Variants in THSD7A observed in about 807,000 individuals in gnomAD.
THSD7A encodes thrombospondin type 1 domain containing 7A, also known as thrombospondin type-1 domain-containing protein 7A.
In THSD7A, 96 loss-of-function variants were observed where a neutral mutation model predicts 231.3. The observed-to-expected ratio is 0.41, with a 90% CI of 0.35 to 0.49. THSD7A has a LOEUF of 0.49. THSD7A is among the 20% of genes least tolerant of loss of function. The pLI is 0.05. For missense variants in THSD7A, 2,290 were observed against 2,070.2 expected (o/e 1.11, Z -2.06); for synonymous variants, 940 against 743.3 (o/e 1.26, Z -4.30).
At chr7:11,473,246 T>C (rs562464598) in intron 8 of THSD7A, among the ~76,000 whole-genome samples, 7 of 151,592 alleles carry the variant, frequency 4.6e-5, no homozygotes, top group Non-Finnish European at 1.0e-4. Context: ...GAGTTTTTCA[T>C]GCATCAGAGA....
chr7:11,609,342 A>T (rs1780842974), intron 2 of THSD7A, among the ~76,000 whole-genome samples: 1 of 152,094 alleles, frequency 6.6e-6, no homozygotes, highest in African/African-American at 2.4e-5. Context: ...CGGCCCATGA[A>T]ACCTTCATGG....
intron 1 of THSD7A, among the ~76,000 whole-genome samples, chr7:11,761,198 T>C (rs920906077): frequency 1.3e-5 from 2 of 151,900 alleles, no homozygotes; most frequent in African/African-American, 4.8e-5. Context: ...GCAAATTCAT[T>C]TTGAAATACA....
At chr7:11,815,275 T>C (rs550668796) in intron 1 of THSD7A, among the ~76,000 whole-genome samples, 2 of 151,888 alleles carry the variant, frequency 1.3e-5, no homozygotes, top group South Asian at 2.1e-4. Context: ...TAGTTGAACC[T>C]TGTCTCTGAT....
chr7:11,508,363 A>G (rs975663705), intron 6 of THSD7A, among the ~76,000 whole-genome samples: 2 of 152,220 alleles, frequency 1.3e-5, no homozygotes, highest in African/African-American at 4.8e-5. Flanking sequence ...ATAAAACCAC[A>G]ATGAGATACC....
chr7:11,513,114 T>C (rs924688799), intron 6 of THSD7A, among the ~76,000 whole-genome samples: 9 of 151,222 alleles, frequency 6.0e-5, no homozygotes, highest in Non-Finnish European at 1.3e-4. Flanking sequence ...GCTATGAGGA[T>C]GCAAAGCCAT....
At chr7:11,716,784 T>A (rs1378677546) in intron 1 of THSD7A, among the ~76,000 whole-genome samples, 3 of 151,582 alleles carry the variant, frequency 2.0e-5, no homozygotes, top group Non-Finnish European at 4.4e-5. Context: ...GCTGTCCTAT[T>A]TGTCTTTCTG....
chr7:11,575,977 C>T (rs1055041332), intron 4 of THSD7A, among the ~76,000 whole-genome samples: 1 of 152,114 alleles, frequency 6.6e-6, no homozygotes, highest in Non-Finnish European at 1.5e-5. Flanking sequence ...AATCATGGTG[C>T]TTCTCATTTA....
intron 1 of THSD7A, among the ~76,000 whole-genome samples, chr7:11,748,331 A>T (rs1782379973): frequency 6.6e-6 from 1 of 151,980 alleles, no homozygotes; most frequent in Admixed American, 6.6e-5. Flanking sequence ...TGTTGTAAAT[A>T]AAGAAGGTGA....
At chr7:11,675,176 C>T (rs545643339) in intron 1 of THSD7A, among the ~76,000 whole-genome samples, 2 of 152,150 alleles carry the variant, frequency 1.3e-5, no homozygotes, top group Admixed American at 6.5e-5. Context: ...CAGGGAACTC[C>T]CTCCCCTAGC....
intron 13 of THSD7A, among the ~76,000 whole-genome samples, chr7:11,440,386 C>A (rs897986076): frequency 6.6e-6 from 1 of 151,992 alleles, no homozygotes; most frequent in Non-Finnish European, 1.5e-5. Flanking sequence ...TTCTGACTTA[C>A]AAGTCTTATT....
chr7:11,384,038 C>A (rs559615440), intron 23 of THSD7A: 47 of 152,000 alleles, frequency 3.1e-4, no homozygotes, highest in African/African-American at 9.4e-4. Context: ...CAAACAAGAC[C>A]ACTCTCGTCA....
At chr7:11,524,927 A>G (rs927671837) in intron 6 of THSD7A, among the ~76,000 whole-genome samples, 1 of 152,234 alleles carries the variant, frequency 6.6e-6, no homozygotes, top group Non-Finnish European at 1.5e-5. Context: ...TAATTATGGG[A>G]TCATTTTCAA....
chr7:11,539,790 A>G (rs188070095), intron 6 of THSD7A, among the ~76,000 whole-genome samples: 1 of 152,320 alleles, frequency 6.6e-6, no homozygotes, highest in Non-Finnish European at 1.5e-5. Context: ...ATTGCATAAC[A>G]CTGAGGCAGA....
At chr7:11,734,024 T>G (rs958022221) in intron 1 of THSD7A, among the ~76,000 whole-genome samples, 1 of 151,864 alleles carries the variant, frequency 6.6e-6, no homozygotes, top group Admixed American at 6.6e-5. Flanking sequence ...TGTCTTCCCT[T>G]CTAACCTCTT....
chr7:11,474,674 C>A lies in THSD7A; in HGVS notation c.2018-106G>T. ...GGCTTAGAAATAAAAAGTGACTTTT[C>A]TTCCCCACATCAAGTTCATAAATAC... On this transcript the variant is annotated intron_variant, in intron 7 of 27. Transcript: ENST00000423059. The surrounding 1 kb of genome is among the most constrained non-coding windows in gnomAD (Gnocchi z 4.1). 1.2e-6 allele frequency: 1 copy of A among 867,316 alleles called. No homozygotes were observed. The highest frequency in any genetic ancestry group is 1.9e-5 in the South Asian group (1 of 52,586). 53.7% of individuals were successfully genotyped at this position (867,316 alleles called of 1,614,324 possible). A position where few individuals can be genotyped will look rare whatever the true frequency, so the allele number is the denominator to read the frequency against.
intron 6 of THSD7A, among the ~76,000 whole-genome samples, chr7:11,517,896 A>G (rs2128315176): frequency 6.6e-6 from 1 of 152,298 alleles, no homozygotes; most frequent in Non-Finnish European, 1.5e-5. Flanking sequence ...ATCTTTCCGG[A>G]CCACCCATGT....
intron 1 of THSD7A, among the ~76,000 whole-genome samples, chr7:11,781,312 A>G (rs893584356): frequency 2.0e-5 from 3 of 150,662 alleles, no homozygotes; most frequent in African/African-American, 7.3e-5. Context: ...AAAATTAGCC[A>G]GGCATGGTGG....
intron 1 of THSD7A, among the ~76,000 whole-genome samples, chr7:11,777,464 T>A (rs1439368623): frequency 6.8e-6 from 1 of 146,666 alleles, no homozygotes; most frequent in Non-Finnish European, 1.5e-5. Flanking sequence ...CACACACTCT[T>A]TAACTGGCAG....
chr7:11,536,516 A>G (rs565088407), intron 6 of THSD7A, among the ~76,000 whole-genome samples: 9 of 152,184 alleles, frequency 5.9e-5, no homozygotes, highest in Non-Finnish European at 1.3e-4. Flanking sequence ...TGCCTCAAGT[A>G]CACTTTCCTT....
Sources: allele counts gnomAD v4.1 joint callset (sites outside exome capture counted in the v4.1 genomes callset), GRCh38; gene constraint gnomAD v4.1.1; non-coding constraint Gnocchi (gnomAD v3.1); transcripts MANE v1.5; gene names NCBI Gene and HGNC (gene_info 2026-07-23, HGNC 2026-07-21).